The following HMMR variants were observed in gnomAD, a reference collection of about 807,000 sequenced individuals.
HMMR encodes the protein intracellular hyaluronic acid-binding protein.
In HMMR, 108 loss-of-function variants were observed where a neutral mutation model predicts 101.0. That is an observed-to-expected ratio of 1.07 (90% CI 0.92 to 1.25). HMMR has a LOEUF of 1.25. Ranked by LOEUF, HMMR falls within the 50% of genes most tolerant of loss-of-function variation. The pLI is 0.00. For synonymous variants in HMMR, 296 were observed against 276.4 expected, an observed-to-expected ratio of 1.07 and a Z score of -0.70; for missense variants, 813 against 788.7, an observed-to-expected ratio of 1.03 and a Z score of -0.37.
rs1357089484 is a variant in HMMR, at chr5:163,484,119, T to C, written c.1836T>C (p.His612=). 3.1e-6 allele frequency: 5 copies of C among 1,602,538 alleles called. No homozygotes were observed. Among genetic ancestry groups the C allele is most frequent in the Non-Finnish European group, 4.3e-6 (5 of 1,174,304 alleles). The change falls in exon 16 of 18, where the codon CAT becomes CAC. Residue 612 remains histidine (H), a synonymous_variant. Coordinates refer to ENST00000393915, the MANE Select transcript of HMMR (RefSeq NM_001142556.2). The part of the protein sequence containing the change: ...EVEKQALLNE[H]GAAQEQLNKI... ...AAAAACAGGCATTGTTGAATGAACA[T>C]GGTGCAGCTCAGGAACAGCTAAATA...
At chr5:163,463,726 ATTTTTTACATT>A (rs1758612654) in intron 1 of HMMR, 119 bp from the exon 2 acceptor site, 2 of 434,956 alleles carry the variant, frequency 4.6e-6, no homozygotes, top group Non-Finnish European at 4.1e-6. Context: ...AATGGATGCA[ATTTTTTACATT>A]TAAAAAAAGC....
intron 16 of HMMR, among the ~76,000 whole-genome samples, chr5:163,488,169 T>G (rs575999689): frequency 6.6e-6 from 1 of 152,254 alleles, no homozygotes; most frequent in East Asian, 1.9e-4. Context: ...CTTTTCTTTT[T>G]TATAATTTCA....
Position 163,471,456 on chromosome 5 carries a change from G to A in HMMR, c.643G>A (p.Gly215Arg), listed in dbSNP as rs144523729. 3.2e-5 allele frequency: 52 copies of A among 1,605,864 alleles called. No individual in the cohort carries two copies. Among genetic ancestry groups the A allele is most frequent in the Non-Finnish European group, 4.1e-5 (48 of 1,172,838 alleles). The change falls in exon 7 of 18, where the codon GGA becomes AGA. Residue 215 changes from glycine to arginine, a missense_variant. Coordinates refer to ENST00000393915, the MANE Select transcript of HMMR (RefSeq NM_001142556.2). ...ESQGKIAQLE[G>R]KLVSIEKEKI... Reference sequence around the variant, plus strand: ...TCAAGGGAAAATAGCCCAACTGGAGGGAAAACTGTAAGTGAGTGAATGTGA... The same window carrying A: ...TCAAGGGAAAATAGCCCAACTGGAGAGAAAACTGTAAGTGAGTGAATGTGA...
intron 4 of HMMR, 64 bp from the exon 5 acceptor site, chr5:163,469,577 G>T: frequency 7.5e-7 from 1 of 1,337,244 alleles, no homozygotes. Context: ...GTGATTATTG[G>T]TAGCATCTCC....
Position 163,469,528 on chromosome 5 carries a change from A to G in HMMR, c.274-113A>G, listed in dbSNP as rs990340403. ...TAGTAACATTAGAATATCTACAAGC[A>G]TAATGTCAAAATCAGAGATTTTTCC... On this transcript the variant is annotated intron_variant, in intron 4 of 17. Coordinates refer to ENST00000393915, the MANE Select transcript of HMMR (RefSeq NM_001142556.2). 17 of 790,814 alleles carry G rather than the reference A, an allele frequency of 2.1e-5. No homozygotes were observed. The Admixed American group carries it at 3.7e-4, about 17-fold the overall frequency. The allele number at this position is 790,814 out of a possible 1,614,324, so 49.0% of individuals were successfully genotyped here. A position where few individuals can be genotyped will look rare whatever the true frequency, so the allele number is the denominator to read the frequency against.
intron 17 of HMMR, 139 bp downstream of exon 17, chr5:163,490,691 G>A (rs1759663806): frequency 3.0e-6 from 2 of 665,344 alleles, no homozygotes; most frequent in South Asian, 3.7e-5. Flanking sequence ...AGATTGTTGT[G>A]TACAATGACT....
chr5:163,487,713 C>T (rs937688559), intron 16 of HMMR, among the ~76,000 whole-genome samples: 1 of 151,116 alleles, frequency 6.6e-6, no homozygotes, highest in African/African-American at 2.4e-5. Flanking sequence ...TCATAGTATT[C>T]CTTTATAATC....
intron 3 of HMMR, among the ~76,000 whole-genome samples, chr5:163,466,073 G>C (rs985203931): frequency 9.2e-5 from 14 of 151,662 alleles, no homozygotes; most frequent in African/African-American, 2.2e-4. Flanking sequence ...AGACCAGCCT[G>C]ACCCACATGG....
In HMMR at chr5:163,483,259, T is replaced by A. The variant is rs202166416; in HGVS notation, c.1686-9T>A. ...ACTATGTTTTTCTCAATTTAATTCT[T>A]CCATGCAGAAAAGCTGAAAAAGAAA... On this transcript the variant is annotated splice_polypyrimidine_tract_variant and intron_variant, in intron 14 of 17. Coordinates refer to ENST00000393915, the MANE Select transcript of HMMR (RefSeq NM_001142556.2). 8 of 1,600,852 alleles carry A rather than the reference T, an allele frequency of 5.0e-6. No individual in the cohort carries two copies. In the Admixed American group the frequency reaches 1.4e-4, roughly 27 times the overall value.
chr5:163,483,098 A>C lies in HMMR; in HGVS notation c.1611A>C (p.Lys537Asn), dbSNP rs1260900804. The change falls in exon 14 of 18, where the codon AAA (lysine) becomes AAC (asparagine). Residue 537 changes from lysine to asparagine, a missense_variant. Transcript: ENST00000393915. ...IKEITVSFLQ[K>N]ITDLQNQLKQ... is the part of the protein sequence containing the mutation. ...AAATCACAGTTTCTTTTCTTCAAAA[A>C]ATAACTGATTTGCAGAACCAACTCA... 17 of 1,613,098 alleles carry C rather than the reference A, an allele frequency of 1.1e-5. No homozygotes were observed. The highest frequency in any genetic ancestry group is 1.4e-5 in the Non-Finnish European group (16 of 1,179,492).
In HMMR at chr5:163,491,391, C is replaced by T. The variant is rs765181851; in HGVS notation, c.*227C>T. On this transcript the variant is annotated 3_prime_UTR_variant, in exon 18 of 18. Coordinates refer to ENST00000393915, the MANE Select transcript of HMMR (RefSeq NM_001142556.2). ...TTTATCACCTCATTCTGAACCCTTT[C>T]GCTGGCTTTCCAGCTTAGAATGCAT... is the stretch of plus-strand genomic sequence containing the variant. The T allele has an allele frequency of 1.8e-5, 7 of 384,632 alleles. No homozygotes were observed. Among genetic ancestry groups the T allele is most frequent in the Non-Finnish European group, 2.8e-5 (6 of 216,600 alleles). The allele number at this position is 384,632 out of a possible 1,614,324, so 23.8% of individuals were successfully genotyped here. A position where few individuals can be genotyped will look rare whatever the true frequency, so the allele number is the denominator to read the frequency against.
chr5:163,476,379 A>T (rs376034730), intron 11 of HMMR, among the ~76,000 whole-genome samples: 17 of 152,186 alleles, frequency 1.1e-4, no homozygotes, highest in African/African-American at 4.1e-4. Context: ...TCCCATTAAT[A>T]AATAGCATTC....
intron 16 of HMMR, among the ~76,000 whole-genome samples, chr5:163,485,197 C>G (rs562830606): frequency 5.9e-5 from 9 of 152,216 alleles, no homozygotes; most frequent in Non-Finnish European, 1.3e-4. Flanking sequence ...CAGGAAGTAT[C>G]AGACTACATT....
chr5:163,486,497 C>T (rs75386520), intron 16 of HMMR, among the ~76,000 whole-genome samples: 3,471 of 152,178 alleles, frequency 0.023, 62 homozygotes, highest in Non-Finnish European at 0.035. Flanking sequence ...TTGCTAAACT[C>T]ATTTTAGTTC....
Position 163,473,433 on chromosome 5 carries a change from A to G in HMMR, c.780A>G (p.Glu260=). 1 of 1,611,410 alleles carries G rather than the reference A, an allele frequency of 6.2e-7. No individual in the cohort carries two copies. Among genetic ancestry groups the G allele is most frequent in the Non-Finnish European group, 8.5e-7 (1 of 1,178,330 alleles). ...AGCTAGATATTGCCCAGTTAGAAGAAAATTTGAAAGAGAAGAATGATGAAA... is the reference window on the plus strand; with the variant it reads ...AGCTAGATATTGCCCAGTTAGAAGAGAATTTGAAAGAGAAGAATGATGAAA... ...KYKLDIAQLE[E]NLKEKNDEIL... is the part of the protein sequence containing the mutation. The change falls in exon 9 of 18, where the codon GAA becomes GAG. Residue 260 remains glutamate (E), a synonymous_variant. Coordinates refer to ENST00000393915, the MANE Select transcript of HMMR (RefSeq NM_001142556.2).
rs763192773 is a variant in HMMR at position 163,475,649 on chromosome 5, ACTC to A, written c.1248_1250del (p.Leu417del). The A allele has an allele frequency of 5.6e-6, 9 of 1,604,308 alleles. No homozygotes were observed. Among genetic ancestry groups the A allele is most frequent in the Middle Eastern group, 3.3e-4 (2 of 6,048 alleles). On this transcript the variant is annotated inframe_deletion, in exon 11 of 18. Transcript: ENST00000393915. Reference sequence around the variant, plus strand: ...CAAAATCTAGAGCTGAAGAATTAAAACTCCTAGAAGAAAAGCTGAAAGGGTTTG... The same window carrying A: ...CAAAATCTAGAGCTGAAGAATTAAAACTAGAAGAAAAGCTGAAAGGGTTTG...
At chr5:163,470,312 C>A (rs2113470366) in intron 5 of HMMR, among the ~76,000 whole-genome samples, 1 of 152,130 alleles carries the variant, frequency 6.6e-6, no homozygotes, top group South Asian at 2.1e-4. Flanking sequence ...AGTGACCACC[C>A]AAACAACCTT....
At position 163,475,425 on chromosome 5, in the gene HMMR, A is replaced by G. The variant is rs181879751; in HGVS notation, c.1054-33A>G. ...TAGTACAACCTCACAATGCCATTCC[A>G]AATTATTTTGGTGGTTTTCTGTTTG... is the stretch of plus-strand genomic sequence containing the variant. On this transcript the variant is annotated intron_variant, in intron 10 of 17. Coordinates refer to ENST00000393915, the MANE Select transcript of HMMR (RefSeq NM_001142556.2). The G allele has an allele frequency of 5.5e-4, 736 of 1,344,530 alleles. 2 individuals carry two copies. In the Middle Eastern group the frequency reaches 6.7e-3, roughly 12 times the overall value. 83.3% of individuals were successfully genotyped at this position (1,344,530 alleles called of 1,614,324 possible).
At chr5:163,467,676 A>C in intron 3 of HMMR, 25 bp from the exon 4 acceptor site, 2 of 1,385,946 alleles carry the variant, frequency 1.4e-6, no homozygotes, top group Non-Finnish European at 2.0e-6. Context: ...AAATTTGCTT[A>C]TAAGTTTTTT....
Sources: gnomAD v4.1 joint callset for allele counts (sites outside exome capture counted in the v4.1 genomes callset) on GRCh38, gnomAD v4.1.1 for gene constraint, MANE v1.5 for transcripts, NCBI Gene and HGNC (gene_info 2026-07-23, HGNC 2026-07-21) for gene names.